The following USH2A variants were observed in gnomAD, a reference collection of about 807,000 sequenced individuals.
USH2A encodes Usher syndrome 2A (autosomal recessive, mild).
In USH2A, 443 loss-of-function variants were observed where a neutral mutation model predicts 538.9. The ratio of observed to expected loss-of-function variants is 0.82; its 90% CI spans 0.76 to 0.89. USH2A has a LOEUF of 0.89. Ranked by LOEUF, USH2A falls within the 40% of genes least tolerant of loss-of-function variation. USH2A has a pLI of 0.00. For synonymous variants in USH2A, 2,413 were observed against 2,273.5 expected (o/e 1.06, Z -1.75); for missense variants, 6,633 against 6,324.8 (o/e 1.05, Z -1.65).
At chr1:215,936,226 T>C (rs1453595051) in intron 37 of USH2A, among the ~76,000 whole-genome samples, 4 of 152,076 alleles carry the variant, frequency 2.6e-5, no homozygotes, top group African/African-American at 4.8e-5. Flanking sequence ...CAGATACTGA[T>C]ATAATCTTTA....
In USH2A at chr1:215,671,255, C is replaced by A. The variant is rs1459743153; in HGVS notation, c.13850G>T (p.Cys4617Phe). ...IRIQACTTLG[C>F]ASSDWTFIQT... ...TATGAATGTCCAGTCACTTGATGCA[C>A]ATCCCAGGGTGGTGCACGCTTGAAT... Residue 4617 changes from cysteine (C) to phenylalanine (F), a missense_variant, in exon 64 of 72, where the codon TGT becomes TTT. Physicochemically the swap from Cys to Phe is radical, Grantham distance 205. Transcript: ENST00000307340. 1 of 1,614,078 alleles carries A rather than the reference C, an allele frequency of 6.2e-7. No homozygotes were observed.
chr1:215,646,590 G>A (rs556264180), intron 67 of USH2A, among the ~76,000 whole-genome samples: 1 of 152,052 alleles, frequency 6.6e-6, no homozygotes, highest in South Asian at 2.1e-4. Flanking sequence ...ACAGTGGCGT[G>A]ATCTCGGCTC....
At chr1:215,744,720 G>C (rs1441944370) in intron 58 of USH2A, among the ~76,000 whole-genome samples, 2 of 152,190 alleles carry the variant, frequency 1.3e-5, no homozygotes, top group Non-Finnish European at 2.9e-5. Flanking sequence ...TCAGGATTTT[G>C]TGTAGGATAG....
At chr1:215,639,034 C>A in intron 69 of USH2A, 121 bp downstream of exon 69, 1 of 963,830 alleles carries the variant, frequency 1.0e-6, no homozygotes, top group Non-Finnish European at 1.6e-6. Context: ...ACACTTGGCA[C>A]AATTTCTTCT....
chr1:216,213,886 C>T (rs2035294124), intron 15 of USH2A, among the ~76,000 whole-genome samples: 1 of 151,946 alleles, frequency 6.6e-6, no homozygotes, highest in Non-Finnish European at 1.5e-5. Flanking sequence ...ACAACTAAAA[C>T]ACGGGCAAAA....
At chr1:216,021,779 T>C (rs1033203209) in intron 32 of USH2A, among the ~76,000 whole-genome samples, 2 of 152,194 alleles carry the variant, frequency 1.3e-5, no homozygotes, top group Non-Finnish European at 2.9e-5. Context: ...GAGTGTAAGA[T>C]ATATTTAGAT....
chr1:216,362,054 G>A (rs908243082), intron 4 of USH2A, among the ~76,000 whole-genome samples: 9 of 151,956 alleles, frequency 5.9e-5, no homozygotes, highest in African/African-American at 2.2e-4. Flanking sequence ...AGTTACACAG[G>A]TGTATATAAA....
intron 56 of USH2A, among the ~76,000 whole-genome samples, chr1:215,763,145 G>A (rs956029312): frequency 1.1e-4 from 16 of 152,134 alleles, no homozygotes; most frequent in African/African-American, 3.4e-4. Context: ...CATTCTACCC[G>A]ACTTTGTGTC....
rs754634823 is a variant in USH2A, at chr1:216,198,369, T to G, written c.4027A>C (p.Asn1343His). The G allele has an allele frequency of 4.2e-5, 67 of 1,613,950 alleles. 1 individual carries two copies. The South Asian group carries it at 5.5e-4, about 13-fold the overall frequency. ...GCAGAAGACACACTTCCAGCCATAT[T>G]CACAGCTAAGACTCTGAACTCATAC... ...TKYEFRVLAVNMAGSVSSAWV... is the reference protein window; with the variant it reads ...TKYEFRVLAVHMAGSVSSAWV... Residue 1343 changes from asparagine (N) to histidine (H), a missense_variant, in exon 18 of 72, where the codon AAT (asparagine) becomes CAT (histidine). Physicochemically the swap from Asn to His is moderately conservative, Grantham distance 68. Transcript: ENST00000307340.
At chr1:216,022,525 A>G (rs1387147307) in intron 32 of USH2A, among the ~76,000 whole-genome samples, 2 of 152,160 alleles carry the variant, frequency 1.3e-5, no homozygotes, top group Non-Finnish European at 2.9e-5. Context: ...GTTTACTCAG[A>G]TTTGTATTTA....
At chr1:215,753,210 G>C (rs1006183784) in intron 58 of USH2A, among the ~76,000 whole-genome samples, 13 of 151,956 alleles carry the variant, frequency 8.6e-5, no homozygotes, top group African/African-American at 3.1e-4. Context: ...TACACTGTTG[G>C]TGGGACTGTA....
chr1:216,385,746 A>C (rs1050015806), intron 3 of USH2A, among the ~76,000 whole-genome samples: 1 of 152,096 alleles, frequency 6.6e-6, no homozygotes, highest in African/African-American at 2.4e-5. Context: ...CTGACAGTAA[A>C]ATTCCTTCAG....
In USH2A at chr1:216,367,301, C is replaced by T. The variant is rs553165030; in HGVS notation, c.652-2216G>A. Among the ~76,000 whole-genome samples the T allele has an allele frequency of 3.3e-5, 5 of 152,252 alleles. No homozygotes were observed. In the South Asian group the frequency reaches 1.0e-3, roughly 32 times the overall value. ...AAAGAAAATTGTCTCTGTAGAGGGA[C>T]AGAAGTTAGAAATGTATGGCTAAAG... is the stretch of plus-strand genomic sequence containing the variant. On this transcript the variant is annotated intron_variant, in intron 3 of 71. Transcript: ENST00000307340.
intron 7 of USH2A, 40 bp downstream of exon 7, chr1:216,324,128 C>G: frequency 2.1e-6 from 3 of 1,432,388 alleles, no homozygotes; most frequent in East Asian, 2.3e-5. Context: ...TATTAATAAC[C>G]AATCAGTCTA....
intron 61 of USH2A, among the ~76,000 whole-genome samples, chr1:215,713,895 G>C (rs538719462): frequency 5.1e-4 from 77 of 152,330 alleles, no homozygotes; most frequent in African/African-American, 1.8e-3. Context: ...TTTAGAAGCT[G>C]AGAGAGCTGC....
At chr1:216,049,020 C>T (rs955091208) in intron 30 of USH2A, among the ~76,000 whole-genome samples, 2 of 152,144 alleles carry the variant, frequency 1.3e-5, no homozygotes, top group Non-Finnish European at 2.9e-5. Context: ...AGAAACAAAA[C>T]TATTTAATTT....
chr1:216,326,197 A>G (rs1003799627), intron 5 of USH2A, among the ~76,000 whole-genome samples: 7 of 152,338 alleles, frequency 4.6e-5, no homozygotes, highest in South Asian at 2.1e-4. Flanking sequence ...AAGAATGCCA[A>G]TTCCAGGTAG....
In USH2A at chr1:215,934,728, C is replaced by A. The variant is rs2102499727; in HGVS notation, c.7188G>T (p.Trp2396Cys). ...AAGGAACCAGCCCATCGATGAGCAC[C>A]CAAAGGTTTGTCTCTTCTCCGCTGT... ...VMYSGEETNL[W>C]VLIDGLVPFT... The change falls in exon 38 of 72, where the codon TGG becomes TGT. Residue 2396 changes from tryptophan (W) to cysteine (C), a missense_variant. Trp to Cys is a radical substitution (Grantham distance 215). Coordinates refer to ENST00000307340, the MANE Select transcript of USH2A (RefSeq NM_206933.4). 1.9e-6 allele frequency: 3 copies of A among 1,612,738 alleles called. No individual in the cohort carries two copies. The African/African-American group carries it at 4.0e-5, about 22-fold the overall frequency.
chr1:216,316,736 TC>T (rs1414891593), intron 9 of USH2A, among the ~76,000 whole-genome samples: 1 of 152,174 alleles, frequency 6.6e-6, no homozygotes. Flanking sequence ...TCTCTAATGA[TC>T]AGTGATGCTG....
Sources: gnomAD v4.1 joint callset for allele counts (sites outside exome capture counted in the v4.1 genomes callset) on GRCh38, gnomAD v4.1.1 for gene constraint, MANE v1.5 for transcripts, NCBI Gene and HGNC (gene_info 2026-07-23, HGNC 2026-07-21) for gene names.